ASAP1: variants seen among roughly 807,000 people sequenced by gnomAD.
ASAP1 encodes the protein arf-GAP with SH3 domain, ANK repeat and PH domain-containing protein 1.
Under a neutral mutation model 145.2 loss-of-function variants are expected in ASAP1, and 43 were observed. That is an observed-to-expected ratio of 0.30 (90% CI 0.23 to 0.38). ASAP1 has a LOEUF of 0.38. Ranked by LOEUF, ASAP1 falls within the 10% of genes least tolerant of loss-of-function variation. The pLI, the probability that ASAP1 is intolerant of heterozygous loss-of-function variation, is 1.00. For missense variants in ASAP1, 1,018 were observed against 1,355.3 expected, an observed-to-expected ratio of 0.75 and a Z score of 3.91; for synonymous variants, 546 against 515.5, an observed-to-expected ratio of 1.06 and a Z score of -0.80.
intron 3 of ASAP1, among the ~76,000 whole-genome samples, chr8:130,319,995 C>T (rs763577109): frequency 1.1e-4 from 17 of 152,196 alleles, no homozygotes; most frequent in Admixed American, 2.6e-4. Flanking sequence ...TACATTTTAA[C>T]ATATTCCTGT....
intron 2 of ASAP1, among the ~76,000 whole-genome samples, chr8:130,395,613 C>T (rs919528816): frequency 3.3e-5 from 5 of 152,122 alleles, no homozygotes; most frequent in African/African-American, 1.2e-4. Context: ...AGAGGAAGCA[C>T]GACACTGCCA....
At chr8:130,427,567 G>A (rs1012689170) in intron 1 of ASAP1, among the ~76,000 whole-genome samples, 8 of 152,126 alleles carry the variant, frequency 5.3e-5, no homozygotes, top group South Asian at 2.1e-4. Context: ...TATTGGCAGC[G>A]CAAGTGGAAA....
At chr8:130,336,836 C>T (rs1000398164) in intron 3 of ASAP1, among the ~76,000 whole-genome samples, 2 of 152,176 alleles carry the variant, frequency 1.3e-5, no homozygotes, top group Non-Finnish European at 2.9e-5. Flanking sequence ...AGATACTAAA[C>T]TCCCAATGAA....
At chr8:130,253,912 T>G (rs1285959795) in intron 3 of ASAP1, among the ~76,000 whole-genome samples, 12 of 152,068 alleles carry the variant, frequency 7.9e-5, no homozygotes, top group Admixed American at 7.9e-4. Context: ...TCCCAGCTAC[T>G]CAGGAGGCTG....
At chr8:130,315,526 G>A (rs996393007) in intron 3 of ASAP1, among the ~76,000 whole-genome samples, 1 of 152,186 alleles carries the variant, frequency 6.6e-6, no homozygotes, top group African/African-American at 2.4e-5. Flanking sequence ...GCATAAGGAA[G>A]AGGCTCCTCT....
At chr8:130,176,410 A>C (rs558660932) in intron 9 of ASAP1, among the ~76,000 whole-genome samples, 1 of 152,228 alleles carries the variant, frequency 6.6e-6, no homozygotes, top group African/African-American at 2.4e-5. Flanking sequence ...GCTATGATAG[A>C]GTTCTTGGGG....
intron 2 of ASAP1, among the ~76,000 whole-genome samples, chr8:130,385,560 G>A (rs559754222): frequency 1.3e-5 from 2 of 152,338 alleles, no homozygotes; most frequent in Admixed American, 6.5e-5. Flanking sequence ...GTTACATGGG[G>A]ATGTTTTCTC....
At chr8:130,185,986 G>A (rs1814700918) in intron 7 of ASAP1, among the ~76,000 whole-genome samples, 1 of 152,108 alleles carries the variant, frequency 6.6e-6, no homozygotes, top group Admixed American at 6.6e-5. Flanking sequence ...ATGTTTCGTT[G>A]TTCCTATATC....
At chr8:130,300,963 T>C (rs1822624333) in intron 3 of ASAP1, among the ~76,000 whole-genome samples, 1 of 152,110 alleles carries the variant, frequency 6.6e-6, no homozygotes, top group South Asian at 2.1e-4. Context: ...CCATCCTATG[T>C]CTGGAAGGCA....
At chr8:130,372,282 ACAAGG>A (rs1827247965) in intron 2 of ASAP1, among the ~76,000 whole-genome samples, 1 of 152,244 alleles carries the variant, frequency 6.6e-6, no homozygotes, top group Non-Finnish European at 1.5e-5. Flanking sequence ...GGGAGAGGAG[ACAAGG>A]CAGATTCCAC....
At chr8:130,379,529 G>A (rs1397584529) in intron 2 of ASAP1, among the ~76,000 whole-genome samples, 3 of 152,206 alleles carry the variant, frequency 2.0e-5, no homozygotes, top group Admixed American at 6.5e-5. Flanking sequence ...CTATGGGACT[G>A]AGCCCACAGA....
chr8:130,334,924 T>A (rs1222445531), intron 3 of ASAP1, among the ~76,000 whole-genome samples: 1 of 152,200 alleles, frequency 6.6e-6, no homozygotes, highest in Non-Finnish European at 1.5e-5. Context: ...CAAATACATA[T>A]CAGACCTCCA....
chr8:130,213,545 G>A (rs1816712253), intron 5 of ASAP1, among the ~76,000 whole-genome samples: 2 of 152,160 alleles, frequency 1.3e-5, no homozygotes, highest in Admixed American at 1.3e-4. Context: ...CTAGGTTAAG[G>A]ACATCTTGAG....
At chr8:130,107,290 C>T (rs537084584) in intron 24 of ASAP1, among the ~76,000 whole-genome samples, 40 of 149,296 alleles carry the variant, frequency 2.7e-4, no homozygotes, top group Non-Finnish European at 4.9e-4. Context: ...TCACGCCATT[C>T]TCCTGCCTCA....
At chr8:130,146,212 T>G (rs2135907473) in intron 13 of ASAP1, among the ~76,000 whole-genome samples, 1 of 152,198 alleles carries the variant, frequency 6.6e-6, no homozygotes, top group Middle Eastern at 3.4e-3. Flanking sequence ...ACAGCTGATG[T>G]CAAACTGCAG....
intron 2 of ASAP1, among the ~76,000 whole-genome samples, chr8:130,375,461 G>A (rs1827440664): frequency 6.6e-6 from 1 of 151,900 alleles, no homozygotes; most frequent in Admixed American, 6.6e-5. Context: ...TGGAGAGGCT[G>A]AGGCTGAAGG....
At chr8:130,184,892 T>C (rs1379198781) in intron 7 of ASAP1, among the ~76,000 whole-genome samples, 2 of 152,196 alleles carry the variant, frequency 1.3e-5, no homozygotes, top group Non-Finnish European at 2.9e-5. Context: ...TTTTATATTA[T>C]TTTACAAGTA....
At chr8:130,205,903 T>C (rs1387478562) in intron 5 of ASAP1, among the ~76,000 whole-genome samples, 1 of 152,154 alleles carries the variant, frequency 6.6e-6, no homozygotes, top group Non-Finnish European at 1.5e-5. Flanking sequence ...ATGAGATATA[T>C]ACCTATACCT....
intron 3 of ASAP1, among the ~76,000 whole-genome samples, chr8:130,334,037 C>G (rs1824874587): frequency 6.6e-6 from 1 of 152,194 alleles, no homozygotes; most frequent in African/African-American, 2.4e-5. Context: ...AAGGTGACAT[C>G]TGAGCTCAGT....
Sources: gnomAD v4.1 joint callset for allele counts (sites outside exome capture counted in the v4.1 genomes callset) on GRCh38, gnomAD v4.1.1 for gene constraint, MANE v1.5 for transcripts, NCBI Gene and HGNC (gene_info 2026-07-23, HGNC 2026-07-21) for gene names.